Variants in PUM3 observed in about 807,000 individuals in gnomAD.
PUM3 encodes pumilio homolog 3.
PUM3 carries 91 observed loss-of-function variants against 84.0 expected under a neutral mutation model. That is an observed-to-expected ratio of 1.08 (90% confidence interval 0.91 to 1.29). The LOEUF (loss-of-function observed/expected upper bound fraction) is 1.29. PUM3 is among the 50% of genes most tolerant of loss of function. The probability of loss-of-function intolerance (pLI) is 0.00; values close to 1 mark genes in which losing one functional copy is unlikely to be tolerated. For synonymous variants in PUM3, 321 were observed against 266.7 expected, an observed-to-expected ratio of 1.20 and a Z score of -1.98; for missense variants, 1,067 against 767.5, an observed-to-expected ratio of 1.39 and a Z score of -4.61.
At chr9:2,830,639 G>T (rs970203584) in intron 7 of PUM3, among the ~76,000 whole-genome samples, 2 of 152,154 alleles carry the variant, frequency 1.3e-5, no homozygotes, top group African/African-American at 2.4e-5. Flanking sequence ...GTGCTTATCT[G>T]TTGCTCACTC....
In PUM3 at chr9:2,817,550, T is replaced by C. The variant is rs185288686; in HGVS notation, c.1269+2468A>G. Among the ~76,000 whole-genome samples, 232 of 152,274 alleles carry C rather than the reference T, an allele frequency of 1.5e-3. 1 individual carries two copies. Among genetic ancestry groups the C allele is most frequent in the Non-Finnish European group, 2.7e-3 (184 of 68,012 alleles). ...AAAGCAAGATGCAGAAAAATACATG[T>C]AAGACATCATTTATACAGAACTTGC... is the stretch of plus-strand genomic sequence containing the variant. On this transcript the variant is annotated intron_variant, in intron 13 of 17. Transcript: ENST00000397885.
chr9:2,820,308 T>C (rs1821562521), intron 12 of PUM3, among the ~76,000 whole-genome samples: 1 of 152,270 alleles, frequency 6.6e-6, no homozygotes, highest in South Asian at 2.1e-4. Context: ...ACCTCATTAA[T>C]TATATTCTAG....
rs564164379 is a variant in PUM3 at position 2,814,157 on chromosome 9, T to G, written c.1270-1795A>C. Among the ~76,000 whole-genome samples, 3 of 152,174 alleles carry G rather than the reference T, an allele frequency of 2.0e-5. No individual in the cohort carries two copies. In the South Asian group the frequency reaches 6.2e-4, roughly 32 times the overall value. The stretch of plus-strand genomic sequence containing the variant: ...AAAACACACAAAAAGCATACAGAAC[T>G]TGTTACAAGGCAGGGAACTCTCTCA... On this transcript the variant is annotated intron_variant, in intron 13 of 17. Coordinates refer to ENST00000397885, the MANE Select transcript of PUM3 (RefSeq NM_014878.5).
chr9:2,837,139 C>T (rs755539030), intron 3 of PUM3, 41 bp downstream of exon 3: 33 of 1,536,212 alleles, frequency 2.1e-5, no homozygotes, highest in South Asian at 5.6e-5. Context: ...TGTGCACAAT[C>T]GTTCAGGCAC....
rs772816773 is a variant in PUM3 at position 2,811,558 on chromosome 9, G to A, written c.1438C>T (p.Arg480Trp). ...HSKKDTEVRR[R>W]ELLESISPAL... ...GGAGAAATGGATTCTAGGAGCTCCC[G>A]TCTGCGGACCTCTGTATCTTTCTTA... The change falls in exon 15 of 18, where the codon CGG (arginine) becomes TGG (tryptophan). Residue 480 changes from arginine (R) to tryptophan (W), a missense_variant. By Grantham distance (101) the Arg-to-Trp change is moderately radical. Coordinates refer to ENST00000397885, the MANE Select transcript of PUM3 (RefSeq NM_014878.5). 21 of 1,613,824 alleles carry A rather than the reference G, an allele frequency of 1.3e-5. No homozygotes were observed. Among genetic ancestry groups the A allele is most frequent in the East Asian group, 4.5e-5 (2 of 44,886 alleles).
chr9:2,814,285 C>T (rs1487755372), intron 13 of PUM3, among the ~76,000 whole-genome samples: 1 of 56,448 alleles, frequency 1.8e-5, no homozygotes, highest in African/African-American at 9.4e-5. Flanking sequence ...GATCTTGGCT[C>T]GCTGCCATCT....
chr9:2,829,471 T>C (rs1345644668), intron 8 of PUM3, among the ~76,000 whole-genome samples: 1 of 152,210 alleles, frequency 6.6e-6, no homozygotes, highest in Non-Finnish European at 1.5e-5. Context: ...TGCTAACTAT[T>C]GGGAGTCTTG....
At chr9:2,812,003 T>C (rs1328021094) in intron 14 of PUM3, among the ~76,000 whole-genome samples, 1 of 152,224 alleles carries the variant, frequency 6.6e-6, no homozygotes. Flanking sequence ...GAATGCCTAC[T>C]ATGTGCCAGG....
At chr9:2,821,063 C>G (rs1017877682) in intron 12 of PUM3, among the ~76,000 whole-genome samples, 1 of 152,086 alleles carries the variant, frequency 6.6e-6, no homozygotes, top group Non-Finnish European at 1.5e-5. Flanking sequence ...CAATTAGAAA[C>G]AATAACGAAG....
At chr9:2,838,006 T>C (rs755514057) in intron 2 of PUM3, among the ~76,000 whole-genome samples, 8 of 152,166 alleles carry the variant, frequency 5.3e-5, no homozygotes, top group Non-Finnish European at 7.4e-5. Context: ...CATTAATCAT[T>C]TGTATAGTCC....
rs940592776 is a variant in PUM3, at chr9:2,812,244, T to C, written c.1388A>G (p.Gln463Arg). 4 of 1,613,924 alleles carry C rather than the reference T, an allele frequency of 2.5e-6. No individual in the cohort carries two copies. Among genetic ancestry groups the C allele is most frequent in the Non-Finnish European group, 3.4e-6 (4 of 1,179,836 alleles). Residue 463 changes from glutamine to arginine, a missense_variant, in exon 14 of 18, where the codon CAA (glutamine) becomes CGA (arginine). Gln to Arg is a conservative substitution (Grantham distance 43). Transcript: ENST00000397885. ...HTVREIIEVL[Q>R]KGDGNAHSKK... Reference sequence around the variant, plus strand: ...CCTGTGTGCATTTCCATCTCCTTTTTGCAGAACTTCAATGATTTCTCGTAC... The same window carrying C: ...CCTGTGTGCATTTCCATCTCCTTTTCGCAGAACTTCAATGATTTCTCGTAC...
intron 8 of PUM3, 21 bp downstream of exon 8, chr9:2,829,753 A>G (rs750449346): frequency 6.3e-7 from 1 of 1,588,894 alleles, no homozygotes; most frequent in Non-Finnish European, 8.6e-7. Context: ...AATACTAGAA[A>G]AAGACTTCTG....
At chr9:2,828,356 G>C (rs1040118496) in intron 9 of PUM3, 29 of 219,366 alleles carry the variant, frequency 1.3e-4, no homozygotes, top group African/African-American at 6.3e-4. Context: ...CCAAATTTGA[G>C]TAACAGATTA....
intron 16 of PUM3, among the ~76,000 whole-genome samples, chr9:2,809,436 A>G (rs941663271): frequency 6.6e-6 from 1 of 152,132 alleles, no homozygotes; most frequent in African/African-American, 2.4e-5. Flanking sequence ...TTTTTCTTTA[A>G]TATTTATCAC....
At chr9:2,840,791 T>C (rs2129896226) in intron 1 of PUM3, among the ~76,000 whole-genome samples, 1 of 152,326 alleles carries the variant, frequency 6.6e-6, no homozygotes, top group Admixed American at 6.5e-5. Flanking sequence ...TCCAGGTTCC[T>C]TCTGTATTTT....
chr9:2,837,447 C>A, intron 2 of PUM3, 46 bp from the exon 3 acceptor site: 1 of 1,264,514 alleles, frequency 7.9e-7, no homozygotes, highest in South Asian at 1.3e-5. Flanking sequence ...GGGCCCAAAT[C>A]TCTTTTATCT....
intron 8 of PUM3, 30 bp downstream of exon 8, chr9:2,829,744 A>T: frequency 6.3e-7 from 1 of 1,582,328 alleles, no homozygotes; most frequent in Non-Finnish European, 8.6e-7. Context: ...AAAAGTAAAA[A>T]TACTAGAAAA....
At chr9:2,830,072 T>A (rs181456307) in intron 7 of PUM3, 124 bp from the exon 8 acceptor site, 3 of 733,870 alleles carry the variant, frequency 4.1e-6, no homozygotes, top group Non-Finnish European at 6.7e-6. Flanking sequence ...GTAAATGAGC[T>A]AGCATGCATT....
At chr9:2,840,202 T>C (rs1270335763) in intron 1 of PUM3, among the ~76,000 whole-genome samples, 2 of 152,234 alleles carry the variant, frequency 1.3e-5, no homozygotes, top group Non-Finnish European at 1.5e-5. Flanking sequence ...GTTAACCGTG[T>C]TCACTTGGTC....
Sources: allele counts gnomAD v4.1 joint callset (sites outside exome capture counted in the v4.1 genomes callset), GRCh38; gene constraint gnomAD v4.1.1; transcripts MANE v1.5; gene names NCBI Gene and HGNC (gene_info 2026-07-23, HGNC 2026-07-21).